Variants in CNTN4 observed in about 807,000 individuals in gnomAD.
CNTN4 encodes contactin 4, also known as contactin-4.
Under a neutral mutation model 122.5 loss-of-function variants are expected in CNTN4, and 77 were observed. The ratio of observed to expected loss-of-function variants is 0.63; its 90% CI spans 0.52 to 0.76. The LOEUF (loss-of-function observed/expected upper bound fraction) is 0.76, where lower values mean the gene tolerates loss of function less well. CNTN4 is among the 30% of genes least tolerant of loss of function. The pLI, the probability that CNTN4 is intolerant of heterozygous loss-of-function variation, is 0.00. For synonymous variants in CNTN4, 512 were observed against 447.0 expected, an observed-to-expected ratio of 1.15 and a Z score of -1.83; for missense variants, 1,256 against 1,259.1, an observed-to-expected ratio of 1.00 and a Z score of 0.04.
Position 3,030,643 on chromosome 3 carries a change from C to T in CNTN4, c.1663-212C>T, listed in dbSNP as rs60102585. Reference sequence around the variant, plus strand: ...GCTCCAGAGACTCAGAGAAGCCAGACACCTGAGGTCTTGTCGAAGATGTGT... The same window carrying T: ...GCTCCAGAGACTCAGAGAAGCCAGATACCTGAGGTCTTGTCGAAGATGTGT... On this transcript the variant is annotated intron_variant, in intron 15 of 24. Transcript: ENST00000418658. Among the ~76,000 whole-genome samples the T allele has an allele frequency of 0.016, 2,507 of 152,310 alleles. 70 individuals carry two copies. The highest frequency in any genetic ancestry group is 0.057 in the African/African-American group (2,387 of 41,566).
intron 7 of CNTN4, among the ~76,000 whole-genome samples, chr3:2,837,694 C>G (rs1176942783): frequency 6.6e-6 from 1 of 152,160 alleles, no homozygotes. Flanking sequence ...CAAGTTGACA[C>G]AGCTTCTATT....
At chr3:2,440,866 CATATATGT>C (rs200498926) in intron 3 of CNTN4, among the ~76,000 whole-genome samples, 39,408 of 143,640 alleles carry the variant, frequency 0.27, 5,652 homozygotes, top group Admixed American at 0.38. Context: ...ATATATCTAA[CATATATGT>C]ATATATGTAT....
Position 2,120,926 on chromosome 3 carries a change from T to G in CNTN4, c.-145+20287T>G, listed in dbSNP as rs73804691. On this transcript the variant is annotated intron_variant, in intron 2 of 24. Coordinates refer to ENST00000418658, the MANE Select transcript of CNTN4 (RefSeq NM_175607.3). ...ACCTATAATAATCCTATGAACTAGA[T>G]ACTATGATGGCCTCTGGGTCCTAGA... is the stretch of plus-strand genomic sequence containing the variant. Among the ~76,000 whole-genome samples the G allele has an allele frequency of 1.5e-3, 227 of 152,246 alleles. 1 individual carries two copies. Among genetic ancestry groups the G allele is most frequent in the African/African-American group, 5.2e-3 (218 of 41,554 alleles).
At chr3:2,792,432 T>C (rs1380114725) in intron 6 of CNTN4, among the ~76,000 whole-genome samples, 2 of 152,240 alleles carry the variant, frequency 1.3e-5, no homozygotes, top group Non-Finnish European at 2.9e-5. Context: ...TGAATATTAA[T>C]GTTGCTCTTA....
At chr3:3,031,544 G>A in intron 16 of CNTN4, among the ~76,000 whole-genome samples, 1 of 151,524 alleles carries the variant, frequency 6.6e-6, no homozygotes, top group East Asian at 1.9e-4. Flanking sequence ...AGATTCTCTT[G>A]AATATTATCA....
rs573124241 is a variant in CNTN4 at position 2,709,641 on chromosome 3, C to T, written c.56-26574C>T. Among the ~76,000 whole-genome samples, 26 of 152,208 alleles carry T rather than the reference C, an allele frequency of 1.7e-4. No individual in the cohort carries two copies. The highest frequency in any genetic ancestry group is 5.3e-4 in the African/African-American group (22 of 41,518). The stretch of plus-strand genomic sequence containing the variant: ...TTAAATTCCACAATGTGGCTGGGTG[C>T]GGTGGCTCTCACCTGTAACCGCAGC... On this transcript the variant is annotated intron_variant, in intron 4 of 24. Coordinates refer to ENST00000418658, the MANE Select transcript of CNTN4 (RefSeq NM_175607.3). This position sits in a 1 kb window ranked among gnomAD's most constrained non-coding sequence, Gnocchi z 5.0.
chr3:2,286,903 G>A (rs1575269268), intron 2 of CNTN4, among the ~76,000 whole-genome samples: 1 of 152,220 alleles, frequency 6.6e-6, no homozygotes, highest in Non-Finnish European at 1.5e-5. Flanking sequence ...ACAAATGCTA[G>A]ATGAGCTATC....
At chr3:2,657,196 A>G (rs1435239815) in intron 4 of CNTN4, among the ~76,000 whole-genome samples, 1 of 152,212 alleles carries the variant, frequency 6.6e-6, no homozygotes, top group African/African-American at 2.4e-5. Flanking sequence ...AAACATTCCT[A>G]CATGTCAGAA....
chr3:2,275,810 C>T (rs1270698747), intron 2 of CNTN4, among the ~76,000 whole-genome samples: 1 of 150,456 alleles, frequency 6.6e-6, no homozygotes, highest in Non-Finnish European at 1.5e-5. Context: ...ATCCCAGCTA[C>T]TCAGGAAGCT....
chr3:2,101,505 A>C (rs2031954811), intron 2 of CNTN4, among the ~76,000 whole-genome samples: 1 of 152,212 alleles, frequency 6.6e-6, no homozygotes, highest in Non-Finnish European at 1.5e-5. Context: ...TTTTAGTTGA[A>C]TAAGTCTATT....
chr3:2,520,312 G>C (rs954510059), intron 3 of CNTN4, among the ~76,000 whole-genome samples: 1 of 118,664 alleles, frequency 8.4e-6, no homozygotes, highest in African/African-American at 3.8e-5. Flanking sequence ...TCACTCTGTA[G>C]CCCAGGCTGG....
chr3:2,772,327 G>A (rs1019671311), intron 6 of CNTN4, among the ~76,000 whole-genome samples: 2 of 132,368 alleles, frequency 1.5e-5, no homozygotes, highest in Admixed American at 7.0e-5. Context: ...AGTGAAAGTA[G>A]AGGAGGCATA....
intron 3 of CNTN4, among the ~76,000 whole-genome samples, chr3:2,460,562 T>C (rs900940563): frequency 6.6e-6 from 1 of 152,166 alleles, no homozygotes; most frequent in Non-Finnish European, 1.5e-5. Context: ...ACATGACCCC[T>C]TTATCCTCTT....
intron 2 of CNTN4, among the ~76,000 whole-genome samples, chr3:2,148,514 CAG>C: frequency 6.7e-6 from 1 of 150,276 alleles, no homozygotes; most frequent in African/African-American, 2.5e-5. Context: ...GCCTGGGTGA[CAG>C]AGCGAGCCCC....
intron 3 of CNTN4, among the ~76,000 whole-genome samples, chr3:2,518,159 T>A (rs1339309846): frequency 6.6e-6 from 1 of 152,184 alleles, no homozygotes; most frequent in Non-Finnish European, 1.5e-5. Flanking sequence ...AAAATGGCTT[T>A]ACTTTTAAAC....
chr3:2,427,678 A>T (rs889772950), intron 3 of CNTN4, among the ~76,000 whole-genome samples: 1 of 150,228 alleles, frequency 6.7e-6, no homozygotes, highest in African/African-American at 2.5e-5. Context: ...GGGGTGTTAA[A>T]GTCTCCCATT....
At chr3:2,691,720 T>C (rs191955335) in intron 4 of CNTN4, among the ~76,000 whole-genome samples, 1 of 152,194 alleles carries the variant, frequency 6.6e-6, no homozygotes, top group African/African-American at 2.4e-5. Context: ...TTAAAACATA[T>C]GTATTTTGAC....
intron 13 of CNTN4, among the ~76,000 whole-genome samples, chr3:2,926,270 A>G (rs1333188927): frequency 6.6e-6 from 1 of 152,184 alleles, no homozygotes; most frequent in Non-Finnish European, 1.5e-5. Flanking sequence ...TTCAAACAGC[A>G]GAGTGTTATG....
At chr3:2,736,791 T>TTATTTAC (rs1559447850) in intron 5 of CNTN4, among the ~76,000 whole-genome samples, 10 of 150,422 alleles carry the variant, frequency 6.6e-5, no homozygotes, top group East Asian at 2.0e-4. Flanking sequence ...TATTTATTTA[T>TTATTTAC]TTATTTATTT....
Sources: allele counts gnomAD v4.1 joint callset (sites outside exome capture counted in the v4.1 genomes callset), GRCh38; gene constraint gnomAD v4.1.1; non-coding constraint Gnocchi (gnomAD v3.1); transcripts MANE v1.5; gene names NCBI Gene and HGNC (gene_info 2026-07-23, HGNC 2026-07-21).